ST14: variants seen among roughly 807,000 people sequenced by gnomAD.
ST14 encodes the protein ST14 transmembrane serine protease matriptase.
A neutral mutation model predicts 96.5 loss-of-function variants in ST14; 40 were observed. The ratio of observed to expected loss-of-function variants is 0.41; its 90% CI spans 0.32 to 0.54. The LOEUF is 0.54. Ranked by LOEUF, ST14 falls within the 20% of genes least tolerant of loss-of-function variation. The pLI is 0.17. For missense variants in ST14, 1,066 were observed against 1,188.9 expected (o/e 0.90, Z 1.52); for synonymous variants, 506 against 492.1 (o/e 1.03, Z -0.37).
At chr11:130,178,202 A>G (rs1408198725) in intron 1 of ST14, among the ~76,000 whole-genome samples, 1 of 152,256 alleles carries the variant, frequency 6.6e-6, no homozygotes, top group Non-Finnish European at 1.5e-5. Flanking sequence ...GGGTTTAACA[A>G]ACCAGTCCAG....
At position 130,209,816 on chromosome 11, in the gene ST14, G is replaced by A; in HGVS notation, c.2561G>A (p.Gly854Glu). Residue 854 changes from glycine to glutamate, a missense_variant, in exon 19 of 19, where the codon GGG becomes GAG. Coordinates refer to ENST00000278742, the MANE Select transcript of ST14 (RefSeq NM_021978.4). Reference sequence around the variant, plus strand: ...CGGGACTGGATCAAAGAGAACACTGGGGTATAGGGGCCGGGGCCACCCAAA... The same window carrying A: ...CGGGACTGGATCAAAGAGAACACTGAGGTATAGGGGCCGGGGCCACCCAAA... ...LFRDWIKENT[G>E]V 2 of 1,613,834 alleles carry A rather than the reference G, an allele frequency of 1.2e-6. No homozygotes were observed. The highest frequency in any genetic ancestry group is 1.7e-5 in the Admixed American group (1 of 60,022).
Position 130,208,459 on chromosome 11 carries a change from A to G in ST14, c.2044A>G (p.Ser682Gly). ...GGCCTTCCTGGGCTTGCACGACCAG[A>G]GCCAGCGCAGCGCCCCTGGGGTGCA... is the stretch of plus-strand genomic sequence containing the variant. The part of the protein sequence containing the change: ...WTAFLGLHDQ[S>G]QRSAPGVQER... The change falls in exon 17 of 19, where the codon AGC (serine) becomes GGC (glycine). Residue 682 changes from serine to glycine, a missense_variant. Transcript: ENST00000278742. The G allele has an allele frequency of 1.2e-6, 2 of 1,614,180 alleles. No homozygotes were observed. The highest frequency in any genetic ancestry group is 1.7e-6 in the Non-Finnish European group (2 of 1,180,032).
At chr11:130,174,250 C>T (rs1460426902) in intron 1 of ST14, among the ~76,000 whole-genome samples, 4 of 152,106 alleles carry the variant, frequency 2.6e-5, no homozygotes, top group Admixed American at 6.5e-5. Context: ...GTGAGGGAGG[C>T]GGTGGCCACA....
intron 18 of ST14, 36 bp downstream of exon 18, chr11:130,209,614 C>T (rs767208327): frequency 1.9e-6 from 3 of 1,574,166 alleles, no homozygotes; most frequent in African/African-American, 2.7e-5. Flanking sequence ...AGGTGGGCCC[C>T]GGGAGAGGCG....
At chr11:130,177,291 G>A (rs1184873285) in intron 1 of ST14, among the ~76,000 whole-genome samples, 4 of 151,986 alleles carry the variant, frequency 2.6e-5, no homozygotes, top group African/African-American at 4.8e-5. Flanking sequence ...TAGGCCGGGC[G>A]CGGTGGCTCA....
chr11:130,189,629 T>A, intron 4 of ST14, 110 bp from the exon 5 acceptor site: 1 of 1,427,408 alleles, frequency 7.0e-7, no homozygotes, highest in South Asian at 1.2e-5. Context: ...CCTCTGCAGA[T>A]GGCAGGCCCA....
rs544434218 is a variant in ST14, at chr11:130,198,581, C to G, written c.1644C>G (p.Asp548Glu). Residue 548 changes from aspartate to glutamate, a missense_variant, in exon 14 of 19, where the codon GAC becomes GAG. Transcript: ENST00000278742. Reference sequence around the variant, plus strand: ...AAAGCCAGCAGTGCAATGGGAAGGACGACTGTGGGGACGGGTCCGACGAGG... The same window carrying G: ...AAAGCCAGCAGTGCAATGGGAAGGAGGACTGTGGGGACGGGTCCGACGAGG... ...LSKSQQCNGK[D>E]DCGDGSDEAS... 1 of 1,614,042 alleles carries G rather than the reference C, an allele frequency of 6.2e-7. No individual in the cohort carries two copies. Among genetic ancestry groups the G allele is most frequent in the Non-Finnish European group, 8.5e-7 (1 of 1,180,018 alleles).
At position 130,188,408 on chromosome 11, in the gene ST14, A is replaced by G; in HGVS notation, c.242-122A>G. The G allele has an allele frequency of 1.3e-6, 2 of 1,590,598 alleles. No individual in the cohort carries two copies. Among genetic ancestry groups the G allele is most frequent in the East Asian group, 2.2e-5 (1 of 44,600 alleles). ...CTCTCTGGAACCCTGATGGGGAGTG[A>G]TGGGAAGCAGTCAGGGCTGACCCAT... On this transcript the variant is annotated intron_variant, in intron 2 of 18. Transcript: ENST00000278742. This position sits in a 1 kb window ranked among gnomAD's most constrained non-coding sequence, Gnocchi z 5.4.
chr11:130,207,080 CT>C (rs570529080), intron 16 of ST14, among the ~76,000 whole-genome samples: 73 of 152,144 alleles, frequency 4.8e-4, no homozygotes, highest in Non-Finnish European at 8.8e-4. Flanking sequence ...TGTTTGAGTG[CT>C]CGATCGCTTC....
chr11:130,197,611 C>G (rs1052980019), intron 11 of ST14, among the ~76,000 whole-genome samples: 1 of 152,208 alleles, frequency 6.6e-6, no homozygotes, highest in African/African-American at 2.4e-5. Flanking sequence ...GGGGAGGGAC[C>G]CTGCCAGCCC....
chr11:130,200,448 C>T (rs1474170217), intron 16 of ST14, among the ~76,000 whole-genome samples: 2 of 152,102 alleles, frequency 1.3e-5, no homozygotes, highest in African/African-American at 4.8e-5. Context: ...AGAACAGGAG[C>T]AAGAGAGAGC....
At chr11:130,198,832 A>C in intron 14 of ST14, 115 bp from the exon 15 acceptor site, 2 of 1,597,876 alleles carry the variant, frequency 1.3e-6, no homozygotes, top group Non-Finnish European at 1.7e-6. Context: ...TGGGTGGGGC[A>C]GGCCTGGGTG....
chr11:130,182,209 A>T (rs967948452), intron 1 of ST14, among the ~76,000 whole-genome samples: 1 of 152,260 alleles, frequency 6.6e-6, no homozygotes, highest in Admixed American at 6.5e-5. Flanking sequence ...CAGGACTGTC[A>T]TGAAGATCCA....
chr11:130,169,698 G>A lies in ST14; in HGVS notation c.81+9638G>A, dbSNP rs574788677. Among the ~76,000 whole-genome samples, 21 of 152,264 alleles carry A rather than the reference G, an allele frequency of 1.4e-4. 1 individual carries two copies. In the South Asian group the frequency reaches 4.4e-3, roughly 32 times the overall value. ...ACAGTTTTATGAGGTGTGACTATTG[G>A]GAGAAACTGGGCAAGGATCTCAGTA... On this transcript the variant is annotated intron_variant, in intron 1 of 18. Coordinates refer to ENST00000278742, the MANE Select transcript of ST14 (RefSeq NM_021978.4).
rs372004348 is a variant in ST14, at chr11:130,194,761, C to CGT, written c.1113+36_1113+37dup. The CGT allele has an allele frequency of 2.2e-5, 35 of 1,578,914 alleles. No individual in the cohort carries two copies. The East Asian group carries it at 2.7e-4, about 12-fold the overall frequency. On this transcript the variant is annotated intron_variant, in intron 9 of 18. Transcript: ENST00000278742. ...AGGTAGGAGCTATGGGGCGTGTGAA[C>CGT]GTGTGTGTGTGTGAGCATGTATGTG...
Position 130,188,213 on chromosome 11 carries a change from G to A in ST14, c.181G>A (p.Val61Met), listed in dbSNP as rs1316735539. ...GGGGCGCTGGGTGGTGCTGGCAGCC[G>A]TGCTGATCGGCCTCCTCTTGGTCTT... ...GPGRWVVLAA[V>M]LIGLLLVLLG... is the part of the protein sequence containing the mutation. The change falls in exon 2 of 19, where the codon GTG becomes ATG. Residue 61 changes from valine to methionine, a missense_variant. Val to Met is a conservative substitution (Grantham distance 21). Transcript: ENST00000278742. This position sits in a 1 kb window ranked among gnomAD's most constrained non-coding sequence, Gnocchi z 5.4. 4.3e-6 allele frequency: 7 copies of A among 1,614,184 alleles called. No individual in the cohort carries two copies. The highest frequency in any genetic ancestry group is 3.3e-5 in the South Asian group (3 of 91,080).
At position 130,190,575 on chromosome 11, in the gene ST14, C is replaced by T. The variant is rs148747961; in HGVS notation, c.756C>T (p.Ala252=). The T allele has an allele frequency of 6.1e-5, 98 of 1,612,658 alleles. No homozygotes were observed. Among genetic ancestry groups the T allele is most frequent in the East Asian group, 8.9e-5 (4 of 44,890 alleles). Residue 252 remains alanine (A), a synonymous_variant, in exon 7 of 19, where the codon GCC becomes GCT. Coordinates refer to ENST00000278742, the MANE Select transcript of ST14 (RefSeq NM_021978.4). ...ARCQWALRGD[A]DSVLSLTFRS... ...GCCAGTGGGCCCTGCGGGGGGACGC[C>T]GACTCAGTGCTGAGCCTCACCTTCC... is the stretch of plus-strand genomic sequence containing the variant.
At chr11:130,197,649 C>T (rs1490459362) in intron 11 of ST14, among the ~76,000 whole-genome samples, 192 bp from the exon 12 acceptor site, 3 of 152,244 alleles carry the variant, frequency 2.0e-5, no homozygotes, top group African/African-American at 7.2e-5. Flanking sequence ...CAGCCCTCTT[C>T]CCACACTAGC....
At chr11:130,191,033 A>G (rs1953292835) in intron 7 of ST14, among the ~76,000 whole-genome samples, 3 of 152,262 alleles carry the variant, frequency 2.0e-5, no homozygotes, top group Admixed American at 2.0e-4. Flanking sequence ...AGGCCAACAG[A>G]TCAGGAGATG....
Sources: gnomAD v4.1 joint callset for allele counts (sites outside exome capture counted in the v4.1 genomes callset) on GRCh38, gnomAD v4.1.1 for gene constraint, Gnocchi (gnomAD v3.1) non-coding constraint, MANE v1.5 for transcripts, NCBI Gene and HGNC (gene_info 2026-07-23, HGNC 2026-07-21) for gene names.